The following NUP133 variants were observed in gnomAD, a reference collection of about 807,000 sequenced individuals.
The protein encoded by NUP133 is nucleoporin 133, also known as nuclear pore complex protein Nup133.
NUP133 carries 66 observed loss-of-function variants against 146.2 expected under a neutral mutation model. The observed-to-expected ratio is 0.45, with a 90% CI of 0.37 to 0.55. NUP133 has a LOEUF of 0.55. Ranked by LOEUF, NUP133 falls within the 20% of genes least tolerant of loss-of-function variation. NUP133 has a pLI of 0.00. For synonymous variants in NUP133, 521 were observed against 498.8 expected (o/e 1.04, Z -0.59); for missense variants, 1,277 against 1,374.8 (o/e 0.93, Z 1.12).
chr1:229,470,196 G>A lies in NUP133; in HGVS notation c.2076+384C>T, dbSNP rs1352528505. Among the ~76,000 whole-genome samples, 5 of 151,762 alleles carry A rather than the reference G, an allele frequency of 3.3e-5. No homozygotes were observed. In the East Asian group the frequency reaches 5.8e-4, roughly 18 times the overall value. ...TCTACTAAAAATATGAAAATTAGCCGGGGTGGTGGCTAGCACCTGTAATCC... is the reference window on the plus strand; with the variant it reads ...TCTACTAAAAATATGAAAATTAGCCAGGGTGGTGGCTAGCACCTGTAATCC... On this transcript the variant is annotated intron_variant, in intron 15 of 25. Coordinates refer to ENST00000261396, the MANE Select transcript of NUP133 (RefSeq NM_018230.3).
At chr1:229,506,652 AT>A (rs1277995583) in intron 1 of NUP133, among the ~76,000 whole-genome samples, 1 of 152,004 alleles carries the variant, frequency 6.6e-6, no homozygotes, top group African/African-American at 2.4e-5. Context: ...CATGTCTATA[AT>A]CTCAGCACTT....
chr1:229,474,914 G>C (rs1481533725), intron 14 of NUP133, among the ~76,000 whole-genome samples: 3 of 151,944 alleles, frequency 2.0e-5, no homozygotes, highest in Non-Finnish European at 2.9e-5. Flanking sequence ...ACCAGCCTGG[G>C]CAACGTAGTA....
chr1:229,486,336 C>A, intron 11 of NUP133, 35 bp downstream of exon 11: 1 of 1,544,856 alleles, frequency 6.5e-7, no homozygotes, highest in Non-Finnish European at 8.7e-7. Flanking sequence ...AAATAAATAA[C>A]ATAAAAACTT....
intron 10 of NUP133, 62 bp downstream of exon 10, chr1:229,487,404 A>T (rs1181464976): frequency 6.5e-7 from 1 of 1,528,360 alleles, no homozygotes; most frequent in African/African-American, 1.4e-5. Flanking sequence ...GGGAAAGAGA[A>T]AAAAAGCACT....
At chr1:229,449,303 ATTACTTTCAGG>A in intron 23 of NUP133, 113 bp from the exon 24 acceptor site, 1 of 651,500 alleles carries the variant, frequency 1.5e-6, no homozygotes, top group Non-Finnish European at 2.6e-6. Flanking sequence ...ATATCTATGA[ATTACTTTCAGG>A]TTACTCTGTG....
At chr1:229,490,318 A>G (rs1041660285) in intron 8 of NUP133, among the ~76,000 whole-genome samples, 2 of 152,204 alleles carry the variant, frequency 1.3e-5, no homozygotes, top group African/African-American at 4.8e-5. Context: ...ATTGCCTAAA[A>G]CTGAAAACAA....
At chr1:229,455,406 C>T (rs1186384809) in intron 21 of NUP133, among the ~76,000 whole-genome samples, 1 of 151,926 alleles carries the variant, frequency 6.6e-6, no homozygotes, top group Non-Finnish European at 1.5e-5. Context: ...CAAAAAAATA[C>T]AAAAATTAGC....
At chr1:229,486,973 A>C (rs1661367740) in intron 10 of NUP133, among the ~76,000 whole-genome samples, 1 of 150,750 alleles carries the variant, frequency 6.6e-6, no homozygotes, top group African/African-American at 2.4e-5. Context: ...CCCTCTGTCA[A>C]GGTTCTTGTG....
chr1:229,448,352 C>T (rs530218667), intron 24 of NUP133, among the ~76,000 whole-genome samples: 29 of 152,088 alleles, frequency 1.9e-4, no homozygotes, highest in African/African-American at 6.3e-4. Context: ...TGCTTGAACC[C>T]GGGAGGCAGA....
intron 3 of NUP133, 134 bp from the exon 4 acceptor site, chr1:229,500,997 C>T (rs1346105315): frequency 5.2e-6 from 3 of 574,832 alleles, no homozygotes; most frequent in Middle Eastern, 2.9e-4. Context: ...ATTCTTTCTT[C>T]TCACATCTCC....
Position 229,458,155 on chromosome 1 carries a change from T to G in NUP133, c.2980+6A>C, listed in dbSNP as rs1044966052. On this transcript the variant is annotated splice_donor_region_variant and intron_variant, in intron 21 of 25. Coordinates refer to ENST00000261396, the MANE Select transcript of NUP133 (RefSeq NM_018230.3). ...TTTGTAAATCCTTTTGCTCAAATTC[T>G]TTCACCTTCAATTTTTTCTTGTAGC... 6 of 1,608,040 alleles carry G rather than the reference T, an allele frequency of 3.7e-6. No homozygotes were observed. The highest frequency in any genetic ancestry group is 8.5e-7 in the Non-Finnish European group (1 of 1,176,490).
chr1:229,490,189 C>T (rs1231474048), intron 8 of NUP133, 87 bp from the exon 9 acceptor site: 1 of 1,182,426 alleles, frequency 8.5e-7, no homozygotes, highest in South Asian at 2.5e-5. Flanking sequence ...TTCCATATAA[C>T]TTAGCAATCC....
At chr1:229,491,759 C>T (rs763528216) in intron 8 of NUP133, among the ~76,000 whole-genome samples, 12 of 152,010 alleles carry the variant, frequency 7.9e-5, no homozygotes, top group Non-Finnish European at 1.8e-4. Flanking sequence ...GCCCGGGCAA[C>T]AGTGTGAGAC....
rs1437987998 is a variant in NUP133 at position 229,477,742 on chromosome 1, A to G, written c.1611T>C (p.Ala537=). The change falls in exon 13 of 26, where the codon GCT becomes GCC. Residue 537 remains alanine, a synonymous_variant. Coordinates refer to ENST00000261396, the MANE Select transcript of NUP133 (RefSeq NM_018230.3). ...LQYCRKDLGH[A]QMVVDELFSS... ...AAAAGAGCTCATCAACCACCATTTG[A>G]GCATGACCTAAATCTTTTCTGAAAT... 2 of 1,612,644 alleles carry G rather than the reference A, an allele frequency of 1.2e-6. No individual in the cohort carries two copies.
chr1:229,449,525 G>A (rs1305607092), intron 23 of NUP133, among the ~76,000 whole-genome samples: 3 of 150,888 alleles, frequency 2.0e-5, no homozygotes, highest in Non-Finnish European at 3.0e-5. Context: ...ACACCACCAC[G>A]CCCAGCTAAT....
At chr1:229,463,464 T>C (rs1660736677) in intron 19 of NUP133, 79 bp downstream of exon 19, 1 of 1,445,564 alleles carries the variant, frequency 6.9e-7, no homozygotes, top group Non-Finnish European at 9.4e-7. Context: ...AAAGCCCTGA[T>C]TACAGATTTG....
At chr1:229,467,678 A>C (rs1469106422) in intron 15 of NUP133, among the ~76,000 whole-genome samples, 2 of 152,184 alleles carry the variant, frequency 1.3e-5, no homozygotes, top group African/African-American at 4.8e-5. Context: ...TCATGCCTGC[A>C]ATCCCAGCAC....
chr1:229,494,239 A>T (rs1284023009), intron 8 of NUP133, among the ~76,000 whole-genome samples: 3 of 152,234 alleles, frequency 2.0e-5, no homozygotes, highest in Non-Finnish European at 1.5e-5. Flanking sequence ...AAAACAGGTA[A>T]ACTGTATTTA....
intron 1 of NUP133, among the ~76,000 whole-genome samples, chr1:229,507,325 C>T (rs974113426): frequency 2.0e-5 from 3 of 152,142 alleles, no homozygotes; most frequent in Non-Finnish European, 4.4e-5. Context: ...AGACACAATA[C>T]TTTGTGTTTC....
Sources: gnomAD v4.1 joint callset for allele counts (sites outside exome capture counted in the v4.1 genomes callset) on GRCh38, gnomAD v4.1.1 for gene constraint, MANE v1.5 for transcripts, NCBI Gene and HGNC (gene_info 2026-07-23, HGNC 2026-07-21) for gene names.